Variants in COL9A2 observed in about 807,000 individuals in gnomAD.
COL9A2 encodes collagen type IX alpha 2 chain.
Under a neutral mutation model 111.6 loss-of-function variants are expected in COL9A2, and 66 were observed. That is an observed-to-expected ratio of 0.59 (90% CI 0.48 to 0.73). The LOEUF (loss-of-function observed/expected upper bound fraction) is 0.73. COL9A2 is among the 30% of genes least tolerant of loss of function. The pLI, the probability that COL9A2 is intolerant of heterozygous loss-of-function variation, is 0.00. For missense variants in COL9A2, 881 were observed against 954.1 expected (o/e 0.92, Z 1.01); for synonymous variants, 353 against 364.1 (o/e 0.97, Z 0.35).
At chr1:40,304,721 A>G in intron 22 of COL9A2, 73 bp downstream of exon 22, 1 of 1,457,050 alleles carries the variant, frequency 6.9e-7, no homozygotes, top group South Asian at 1.2e-5. Flanking sequence ...GGCTGCACGG[A>G]GCAGATGCTG....
Position 40,307,604 on chromosome 1 carries a change from G to C in COL9A2, c.954+99C>G. 1 of 1,583,378 alleles carries C rather than the reference G, an allele frequency of 6.3e-7. No homozygotes were observed. Among genetic ancestry groups the C allele is most frequent in the African/African-American group, 1.3e-5 (1 of 74,332 alleles). ...AAACTGAGATCCAGAGGCAAGAAAG[G>C]GCATGTCCATGACCTGAGGACCCCA... On this transcript the variant is annotated intron_variant, in intron 18 of 31. Transcript: ENST00000372748. The surrounding 1 kb of genome is among the most constrained non-coding windows in gnomAD (Gnocchi z 4.8).
rs1331164602 is a variant in COL9A2 at position 40,311,459 on chromosome 1, C to T, written c.519+41G>A. 5 of 1,584,928 alleles carry T rather than the reference C, an allele frequency of 3.2e-6. No individual in the cohort carries two copies. Among genetic ancestry groups the T allele is most frequent in the East Asian group, 2.2e-5 (1 of 44,726 alleles). ...CCCCGCCTCCCCATCTCTGTGGCCC[C>T]GCCCCCCTGTGTTAGCCCCGCCCCA... On this transcript the variant is annotated intron_variant, in intron 10 of 31. Transcript: ENST00000372748. The surrounding 1 kb of genome is among the most constrained non-coding windows in gnomAD (Gnocchi z 5.1).
intron 4 of COL9A2, among the ~76,000 whole-genome samples, chr1:40,313,156 C>T (rs1401360887): frequency 2.0e-5 from 3 of 151,094 alleles, no homozygotes; most frequent in African/African-American, 7.3e-5. Context: ...TTTCCTTTCT[C>T]TTTTCTTTTT....
At chr1:40,309,410 T>C (rs4660399) in intron 16 of COL9A2, among the ~76,000 whole-genome samples, 1 of 147,978 alleles carries the variant, frequency 6.8e-6, no homozygotes, top group East Asian at 2.0e-4. Context: ...TAAAACCGCT[T>C]CCCCCAACAG....
Position 40,303,707 on chromosome 1 carries a change from G to A in COL9A2, c.1402-31C>T, listed in dbSNP as rs1404397939. 4 of 1,547,992 alleles carry A rather than the reference G, an allele frequency of 2.6e-6. No individual in the cohort carries two copies. Among genetic ancestry groups the A allele is most frequent in the Admixed American group, 3.9e-5 (2 of 51,026 alleles). On this transcript the variant is annotated intron_variant, in intron 27 of 31. Transcript: ENST00000372748. The surrounding 1 kb of genome is among the most constrained non-coding windows in gnomAD (Gnocchi z 4.6). The stretch of plus-strand genomic sequence containing the variant: ...GGGGGATGGGGGTGGGAGCAGAGCC[G>A]GGTGAGAAGGCGCCCGGGTGGGCGA...
In COL9A2 at chr1:40,304,469, C is replaced by T. The variant is rs1463330742; in HGVS notation, c.1215+7G>A. On this transcript the variant is annotated splice_region_variant and intron_variant, in intron 23 of 31. Transcript: ENST00000372748. ...CGCCCTGCCCACCTTAGCTGGCCTG[C>T]ACTCACCTGCCTTCCCTGAGGGCCT... The T allele has an allele frequency of 9.3e-6, 15 of 1,614,166 alleles. No homozygotes were observed. Among genetic ancestry groups the T allele is most frequent in the African/African-American group, 1.3e-5 (1 of 75,052 alleles).
At position 40,314,355 on chromosome 1, in the gene COL9A2, A is replaced by G; in HGVS notation, c.183T>C (p.Pro61=). 6.2e-7 allele frequency: 1 copy of G among 1,614,178 alleles called. No individual in the cohort carries two copies. The highest frequency in any genetic ancestry group is 8.5e-7 in the Non-Finnish European group (1 of 1,180,032). ...CCAAAGAGGATAAAGCACTCACCGG[A>G]GGGCCAGCTTTTCCAGGGGGCCCAT... ...GDNGPPGKAG[P]PGPKGEPGKA... The change falls in exon 3 of 32, where the codon CCT becomes CCC. Residue 61 remains proline, a synonymous_variant. Coordinates refer to ENST00000372748, the MANE Select transcript of COL9A2 (RefSeq NM_001852.4). This position sits in a 1 kb window ranked among gnomAD's most constrained non-coding sequence, Gnocchi z 4.1.
Position 40,312,201 on chromosome 1 carries a change from C to G in COL9A2, c.364-89G>C. 1 of 1,184,758 alleles carries G rather than the reference C, an allele frequency of 8.4e-7. No individual in the cohort carries two copies. The highest frequency in any genetic ancestry group is 2.0e-4 in the Middle Eastern group (1 of 5,054). 73.4% of individuals were successfully genotyped at this position (1,184,758 alleles called of 1,614,324 possible). A position where few individuals can be genotyped will look rare whatever the true frequency, so the allele number is the denominator to read the frequency against. On this transcript the variant is annotated intron_variant, in intron 7 of 31. Transcript: ENST00000372748. This position sits in a 1 kb window ranked among gnomAD's most constrained non-coding sequence, Gnocchi z 6.0. ...AGAGACAGGCACCCAAAGCCCGTTT[C>G]TCCACTTTTACTTTTTTTTTTTTTT...
At chr1:40,304,011 G>A (rs1434218902) in intron 25 of COL9A2, 39 bp from the exon 26 acceptor site, 2 of 1,570,696 alleles carry the variant, frequency 1.3e-6, no homozygotes, top group Admixed American at 1.9e-5. Context: ...CGGTGGCGGC[G>A]GGGACGCAGA....
intron 19 of COL9A2, among the ~76,000 whole-genome samples, chr1:40,306,825 C>T (rs1321695270): frequency 2.6e-5 from 4 of 151,606 alleles, no homozygotes; most frequent in Non-Finnish European, 5.9e-5. Flanking sequence ...ACTTAGTATA[C>T]CTCAGATACT....
At position 40,310,274 on chromosome 1, in the gene COL9A2, T is replaced by TTGGGCCCTGCCATGCCTGGG; in HGVS notation, c.708_727dup (p.Lys243ThrfsTer82). ...CCAAGATTCACTTACCGTCTCTCCC[T>TTGGGCCCTGCCATGCCTGGG]TGGGCCCTGCCATGCCTGGGTAGCC... is the stretch of plus-strand genomic sequence containing the variant. On this transcript the variant is annotated frameshift_variant, in exon 14 of 32. Transcript: ENST00000372748. LOFTEE classifies it high-confidence loss of function. The surrounding 1 kb of genome is among the most constrained non-coding windows in gnomAD (Gnocchi z 4.9). The TTGGGCCCTGCCATGCCTGGG allele has an allele frequency of 6.2e-7, 1 of 1,614,154 alleles. No individual in the cohort carries two copies. The highest frequency in any genetic ancestry group is 8.5e-7 in the Non-Finnish European group (1 of 1,180,012).
intron 1 of COL9A2, 176 bp from the exon 2 acceptor site, chr1:40,315,840 C>G: frequency 1.9e-6 from 1 of 527,528 alleles, no homozygotes; most frequent in East Asian, 3.2e-5. Context: ...CATTCATTAT[C>G]TTACAGAATA....
In COL9A2 at chr1:40,315,326, G is replaced by A; in HGVS notation, c.150+264C>T. ...GGAGGGGAAAGGAGAGGAGGGGGATGAGGCCTCGCTGTGAGCTGCGGCCGG... is the reference window on the plus strand; with the variant it reads ...GGAGGGGAAAGGAGAGGAGGGGGATAAGGCCTCGCTGTGAGCTGCGGCCGG... On this transcript the variant is annotated intron_variant, in intron 2 of 31. Transcript: ENST00000372748. The A allele has an allele frequency of 3.0e-6, 4 of 1,321,410 alleles. No individual in the cohort carries two copies. The East Asian group carries it at 1.3e-4, about 42-fold the overall frequency. The allele number at this position is 1,321,410 out of a possible 1,614,324, so 81.9% of individuals were successfully genotyped here. A position where few individuals can be genotyped will look rare whatever the true frequency, so the allele number is the denominator to read the frequency against.
In COL9A2 at chr1:40,316,778, G is replaced by T. The variant is rs1444589942; in HGVS notation, c.75+345C>A. Reference sequence around the variant, plus strand: ...GCGCCCCCTGGGAGGCGGCGGGGGCGGAGGCTGCGCAGCGGGTGAATGAGC... The same window carrying T: ...GCGCCCCCTGGGAGGCGGCGGGGGCTGAGGCTGCGCAGCGGGTGAATGAGC... On this transcript the variant is annotated intron_variant, in intron 1 of 31. Transcript: ENST00000372748. The surrounding 1 kb of genome is among the most constrained non-coding windows in gnomAD (Gnocchi z 5.5). 5.3e-6 allele frequency: 2 copies of T among 378,848 alleles called. No homozygotes were observed. The highest frequency in any genetic ancestry group is 2.2e-5 in the South Asian group (1 of 45,288). 23.5% of individuals were successfully genotyped at this position (378,848 alleles called of 1,614,324 possible).
chr1:40,315,625 C>T lies in COL9A2; in HGVS notation c.115G>A (p.Gly39Arg). 1 of 1,553,524 alleles carries T rather than the reference C, an allele frequency of 6.4e-7. No homozygotes were observed. Among genetic ancestry groups the T allele is most frequent in the Non-Finnish European group, 8.7e-7 (1 of 1,147,664 alleles). The stretch of plus-strand genomic sequence containing the variant: ...TCGGATCCAGGCACTCCCGGCGGTC[C>T]CGGGGGACCCGGGGGGCCCCGCTCT... ...PGERGPPGPP[G>R]PPGVPGSDGI... The change falls in exon 2 of 32, where the codon GGA (glycine) becomes AGA (arginine). Residue 39 changes from glycine (G) to arginine (R), a missense_variant. Gly to Arg is a moderately radical substitution (Grantham distance 125). Coordinates refer to ENST00000372748, the MANE Select transcript of COL9A2 (RefSeq NM_001852.4).
At chr1:40,315,160 G>A (rs1644196501) in intron 2 of COL9A2, 5 of 931,116 alleles carry the variant, frequency 5.4e-6, no homozygotes, top group Non-Finnish European at 6.5e-6. Flanking sequence ...ATTCTAAATC[G>A]GGGAGAGAAA....
chr1:40,305,844 T>C, intron 20 of COL9A2, 76 bp from the exon 21 acceptor site: 3 of 1,328,072 alleles, frequency 2.3e-6, no homozygotes, highest in Non-Finnish European at 3.3e-6. Context: ...CAACGAAGCC[T>C]AAACAGAGCC....
chr1:40,307,768 G>T lies in COL9A2; in HGVS notation c.901-12C>A. 15 of 1,614,054 alleles carry T rather than the reference G, an allele frequency of 9.3e-6. No homozygotes were observed. The highest frequency in any genetic ancestry group is 1.3e-5 in the Non-Finnish European group (15 of 1,179,950). On this transcript the variant is annotated splice_polypyrimidine_tract_variant and intron_variant, in intron 17 of 31. Coordinates refer to ENST00000372748, the MANE Select transcript of COL9A2 (RefSeq NM_001852.4). This position sits in a 1 kb window ranked among gnomAD's most constrained non-coding sequence, Gnocchi z 4.8. ...ATGCCTGGGGGGCCCTACCCAGGAG[G>T]AAAGTTCAAGGGAGAGTGATAATGC...
Position 40,311,984 on chromosome 1 carries a change from C to T in COL9A2, c.417+75G>A. 2.7e-6 allele frequency: 4 copies of T among 1,488,460 alleles called. No individual in the cohort carries two copies. The highest frequency in any genetic ancestry group is 3.7e-6 in the Non-Finnish European group (4 of 1,084,800). 92.2% of individuals were successfully genotyped at this position (1,488,460 alleles called of 1,614,324 possible). A position where few individuals can be genotyped will look rare whatever the true frequency, so the allele number is the denominator to read the frequency against. ...TGGCCAGGAGCAGGCCCAGGAACTT[C>T]CAGAAAGACCACCCAGCTTGCCAGC... On this transcript the variant is annotated intron_variant, in intron 8 of 31. Transcript: ENST00000372748. This position sits in a 1 kb window ranked among gnomAD's most constrained non-coding sequence, Gnocchi z 5.1.
Sources: gnomAD v4.1 joint callset for allele counts (sites outside exome capture counted in the v4.1 genomes callset) on GRCh38, gnomAD v4.1.1 for gene constraint, Gnocchi (gnomAD v3.1) non-coding constraint, MANE v1.5 for transcripts, NCBI Gene and HGNC (gene_info 2026-07-23, HGNC 2026-07-21) for gene names.